PTK2: variants seen among roughly 807,000 people sequenced by gnomAD.
PTK2 encodes protein tyrosine kinase 2.
Under a neutral mutation model 150.1 loss-of-function variants are expected in PTK2, and 45 were observed. The ratio of observed to expected loss-of-function variants is 0.30; its 90% CI spans 0.24 to 0.38. The LOEUF (loss-of-function observed/expected upper bound fraction) is 0.38. Ranked by LOEUF, PTK2 falls within the 10% of genes least tolerant of loss-of-function variation. The probability of loss-of-function intolerance (pLI) is 1.00; values close to 1 mark genes in which losing one functional copy is unlikely to be tolerated. For missense variants in PTK2, 919 were observed against 1,307.3 expected (o/e 0.70, Z 4.58); for synonymous variants, 432 against 449.2 (o/e 0.96, Z 0.48).
intron 7 of PTK2, among the ~76,000 whole-genome samples, chr8:140,840,296 G>C (rs2100121551): frequency 6.6e-6 from 1 of 152,156 alleles, no homozygotes; most frequent in African/African-American, 2.4e-5. Flanking sequence ...TTCCTACCCT[G>C]GCCTCCCAGT....
At chr8:140,985,642 G>T (rs1224889774) in intron 1 of PTK2, among the ~76,000 whole-genome samples, 1 of 152,108 alleles carries the variant, frequency 6.6e-6, no homozygotes, top group African/African-American at 2.4e-5. Flanking sequence ...CCTCAAGAGT[G>T]GGTGCTGTGA....
At chr8:140,977,605 G>A (rs2100189751) in intron 1 of PTK2, among the ~76,000 whole-genome samples, 1 of 137,808 alleles carries the variant, frequency 7.3e-6, no homozygotes, top group South Asian at 2.4e-4. Flanking sequence ...CTGGGCGACA[G>A]AGCAAGACTG....
At chr8:140,689,321 C>T (rs2100021781) in intron 26 of PTK2, among the ~76,000 whole-genome samples, 1 of 152,072 alleles carries the variant, frequency 6.6e-6, no homozygotes, top group South Asian at 2.1e-4. Context: ...AGAAAAAGTA[C>T]CTGAGAAGAC....
At chr8:140,702,128 C>CAAAAAAAAAAAAAAA (rs749591009) in intron 25 of PTK2, among the ~76,000 whole-genome samples, 1 of 42,716 alleles carries the variant, frequency 2.3e-5, no homozygotes, top group Non-Finnish European at 4.0e-5. Context: ...ACTCTGTCTC[C>CAAAAAAAAAAAAAAA]AAAAAAAAAA....
At chr8:140,906,624 G>A (rs2100160978) in intron 2 of PTK2, among the ~76,000 whole-genome samples, 1 of 152,156 alleles carries the variant, frequency 6.6e-6, no homozygotes, top group African/African-American at 2.4e-5. Flanking sequence ...GAATCCCATG[G>A]AAGTATAGAG....
intron 1 of PTK2, among the ~76,000 whole-genome samples, chr8:140,942,116 C>T (rs1380637518): frequency 6.6e-6 from 1 of 152,066 alleles, no homozygotes; most frequent in African/African-American, 2.4e-5. Flanking sequence ...TGGGCTCAAG[C>T]GATCCTCCCA....
At chr8:140,999,048 T>C (rs1486122926) in intron 1 of PTK2, among the ~76,000 whole-genome samples, 1 of 152,216 alleles carries the variant, frequency 6.6e-6, no homozygotes, top group Non-Finnish European at 1.5e-5. Flanking sequence ...TCACTCCTAA[T>C]CTAACATTAT....
intron 28 of PTK2, 130 bp downstream of exon 31, chr8:140,675,330 G>A (rs552052630): frequency 2.5e-5 from 24 of 946,196 alleles, no homozygotes; most frequent in African/African-American, 1.1e-4. Context: ...GGTAAACATC[G>A]TACTTGCTGT....
chr8:140,897,414 A>G (rs2100156743), intron 2 of PTK2, among the ~76,000 whole-genome samples: 1 of 152,146 alleles, frequency 6.6e-6, no homozygotes, highest in Admixed American at 6.5e-5. Flanking sequence ...TTAATGTTTT[A>G]TCTGCTTGTC....
At chr8:140,787,127 G>A (rs556863772) in intron 14 of PTK2, among the ~76,000 whole-genome samples, 1 of 152,266 alleles carries the variant, frequency 6.6e-6, no homozygotes, top group Admixed American at 6.5e-5. Context: ...CAACATGGTA[G>A]CAATCTAAGA....
chr8:140,678,137 C>T (rs2100014933), intron 27 of PTK2, among the ~76,000 whole-genome samples: 1 of 152,184 alleles, frequency 6.6e-6, no homozygotes, highest in Non-Finnish European at 1.5e-5. Context: ...ACCTCTGCAG[C>T]CCAGGTTCAA....
intron 5 of PTK2, among the ~76,000 whole-genome samples, chr8:140,857,805 GCAAA>G: frequency 6.6e-6 from 1 of 152,210 alleles, no homozygotes; most frequent in East Asian, 1.9e-4. Flanking sequence ...TTGTTTCCAA[GCAAA>G]CAAATACAAA....
intron 10 of PTK2, among the ~76,000 whole-genome samples, chr8:140,813,647 G>C (rs1179812229): frequency 6.6e-6 from 1 of 152,242 alleles, no homozygotes; most frequent in Non-Finnish European, 1.5e-5. Context: ...AGGTAAGGCA[G>C]TGTTAACAGG....
At chr8:140,775,410 G>A (rs372938076) in intron 14 of PTK2, among the ~76,000 whole-genome samples, 1 of 152,192 alleles carries the variant, frequency 6.6e-6, no homozygotes, top group East Asian at 1.9e-4. Context: ...GTTTGAGCCC[G>A]GGAGATGGAG....
chr8:140,826,773 C>G (rs1434972101), intron 8 of PTK2, among the ~76,000 whole-genome samples: 1 of 152,034 alleles, frequency 6.6e-6, no homozygotes, highest in Non-Finnish European at 1.5e-5. Flanking sequence ...CAAAAATTAG[C>G]TGGGCATGGT....
intron 2 of PTK2, among the ~76,000 whole-genome samples, chr8:140,911,080 G>A (rs914367782): frequency 4.0e-5 from 6 of 149,002 alleles, no homozygotes; most frequent in African/African-American, 9.9e-5. Context: ...TTGTAAAGCC[G>A]GAGTCTTGCC....
chr8:140,895,500 C>G (rs2100155801), intron 2 of PTK2, among the ~76,000 whole-genome samples: 1 of 147,736 alleles, frequency 6.8e-6, no homozygotes, highest in East Asian at 2.0e-4. Flanking sequence ...CCAGCCTGAG[C>G]AACAGAGCAC....
At chr8:140,838,754 C>A (rs1224834006) in intron 7 of PTK2, among the ~76,000 whole-genome samples, 1 of 152,128 alleles carries the variant, frequency 6.6e-6, no homozygotes, top group Non-Finnish European at 1.5e-5. Flanking sequence ...CGCTTGTAAG[C>A]CCAGCACTTT....
chr8:140,781,474 T>C (rs1169707683), intron 14 of PTK2, among the ~76,000 whole-genome samples: 1 of 152,146 alleles, frequency 6.6e-6, no homozygotes, highest in Non-Finnish European at 1.5e-5. Flanking sequence ...CTTTATAGCG[T>C]GGGGGCTGCT....
Sources: allele counts gnomAD v4.1 joint callset (sites outside exome capture counted in the v4.1 genomes callset), GRCh38; gene constraint gnomAD v4.1.1; transcripts MANE v1.5; gene names NCBI Gene and HGNC (gene_info 2026-07-23, HGNC 2026-07-21).